TRMT6: variants seen among roughly 807,000 people sequenced by gnomAD.
TRMT6 encodes tRNA (adenine(58)-N(1))-methyltransferase non-catalytic subunit TRM6.
Under a neutral mutation model 59.0 loss-of-function variants are expected in TRMT6, and 34 were observed. The ratio of observed to expected loss-of-function variants is 0.58; its 90% CI spans 0.44 to 0.77. The LOEUF (loss-of-function observed/expected upper bound fraction) is 0.77. Ranked by LOEUF, TRMT6 falls within the 30% of genes least tolerant of loss-of-function variation. The pLI is 0.00. For missense variants in TRMT6, 575 were observed against 604.5 expected (o/e 0.95, Z 0.51); for synonymous variants, 217 against 210.5 (o/e 1.03, Z -0.27).
intron 1 of TRMT6, among the ~76,000 whole-genome samples, 194 bp downstream of exon 1, chr20:5,950,084 G>T (rs1600229276): frequency 6.6e-6 from 1 of 152,144 alleles, no homozygotes; most frequent in South Asian, 2.1e-4. Context: ...GGGAGATTAT[G>T]AGGTTCGAAG....
chr20:5,940,778 C>A (rs996030282), intron 10 of TRMT6, among the ~76,000 whole-genome samples: 1 of 152,040 alleles, frequency 6.6e-6, no homozygotes, highest in South Asian at 2.1e-4. Context: ...CCACCATGCT[C>A]GACTGATTTT....
At position 5,942,684 on chromosome 20, in the gene TRMT6, A is replaced by T; in HGVS notation, c.770T>A (p.Phe257Tyr). ...PKSFLSGLYE[F>Y]PLNKVDSLLH... ...AAGACTGTCCACTTTGTTGAGAGGG[A>T]ATTCATAAAGACCACTGAGAAAAGA... The change falls in exon 7 of 11, where the codon TTC (phenylalanine) becomes TAC (tyrosine). Residue 257 changes from phenylalanine (F) to tyrosine (Y), a missense_variant. Transcript: ENST00000203001. 1 of 1,614,116 alleles carries T rather than the reference A, an allele frequency of 6.2e-7. No homozygotes were observed. The highest frequency in any genetic ancestry group is 8.5e-7 in the Non-Finnish European group (1 of 1,180,008).
intron 6 of TRMT6, 105 bp from the exon 7 acceptor site, chr20:5,942,891 T>C (rs1240408791): frequency 2.3e-6 from 2 of 867,278 alleles, no homozygotes. Flanking sequence ...TTTCTATTAG[T>C]ACTTTATTCA....
At chr20:5,938,822 T>C in intron 10 of TRMT6, 96 bp from the exon 11 acceptor site, 1 of 1,102,608 alleles carries the variant, frequency 9.1e-7, no homozygotes, top group Non-Finnish European at 1.3e-6. Context: ...ACAACACAGG[T>C]TCTCTTGATG....
chr20:5,940,772 C>T (rs764402095), intron 10 of TRMT6, among the ~76,000 whole-genome samples: 1 of 152,172 alleles, frequency 6.6e-6, no homozygotes. Context: ...CACCTGCCAC[C>T]ATGCTCGACT....
chr20:5,941,014 G>A (rs763918896), intron 10 of TRMT6, 39 bp downstream of exon 10: 20 of 1,498,512 alleles, frequency 1.3e-5, no homozygotes, highest in East Asian at 2.3e-5. Context: ...GTCAAGTCTC[G>A]GGAGGGCAGC....
intron 2 of TRMT6, among the ~76,000 whole-genome samples, chr20:5,946,082 C>A (rs2088703352): frequency 6.6e-6 from 1 of 152,202 alleles, no homozygotes. Context: ...ACACCATATG[C>A]TAACCACCTC....
rs1013821242 is a variant in TRMT6 at position 5,950,444 on chromosome 20, C to G, written c.-39G>C. On this transcript the variant is annotated 5_prime_UTR_variant, in exon 1 of 11. Transcript: ENST00000203001. ...TCGCCGTGCTCCACGGCGTCCCGCC[C>G]CTCCTCCTCGGTTGTCGCCACCGCC... 2.1e-5 allele frequency: 33 copies of G among 1,549,028 alleles called. No homozygotes were observed. The highest frequency in any genetic ancestry group is 2.9e-5 in the Non-Finnish European group (33 of 1,149,368).
chr20:5,946,600 TAC>T lies in TRMT6; in HGVS notation c.129-69_129-68del. ...TCCAGTACAGAAAAGACATGTTCAC[TAC>T]AGTTTATTTCAAAAGTGGTCTCCAC... On this transcript the variant is annotated intron_variant, in intron 1 of 10. Transcript: ENST00000203001. 6 of 1,492,686 alleles carry T rather than the reference TAC, an allele frequency of 4.0e-6. No individual in the cohort carries two copies. In the South Asian group the frequency reaches 7.1e-5, roughly 18 times the overall value. 92.5% of individuals were successfully genotyped at this position (1,492,686 alleles called of 1,614,324 possible).
intron 8 of TRMT6, 38 bp from the exon 9 acceptor site, chr20:5,941,383 C>T (rs371613350): frequency 6.8e-7 from 1 of 1,469,412 alleles, no homozygotes; most frequent in Non-Finnish European, 9.5e-7. Context: ...TTCTCTACAC[C>T]CTCAAAGTGG....
chr20:5,940,695 T>G (rs1451513468), intron 10 of TRMT6, among the ~76,000 whole-genome samples: 2 of 152,058 alleles, frequency 1.3e-5, no homozygotes, highest in Non-Finnish European at 2.9e-5. Flanking sequence ...CTCGGCTCAC[T>G]GCAGCCTCGA....
chr20:5,950,177 A>G, intron 1 of TRMT6, 101 bp downstream of exon 1: 1 of 1,328,536 alleles, frequency 7.5e-7, no homozygotes, highest in South Asian at 1.4e-5. Flanking sequence ...GAGAGAGCCA[A>G]GAATGGCACC....
At chr20:5,940,731 A>G (rs912826867) in intron 10 of TRMT6, among the ~76,000 whole-genome samples, 9 of 152,006 alleles carry the variant, frequency 5.9e-5, no homozygotes, top group Non-Finnish European at 1.3e-4. Context: ...CAATCTTTCC[A>G]CCTCAGCTCC....
Position 5,938,614 on chromosome 20 carries a change from G to C in TRMT6, c.1415C>G (p.Ser472Cys), listed in dbSNP as rs749406665. The C allele has an allele frequency of 1.2e-6, 2 of 1,614,234 alleles. No individual in the cohort carries two copies. The highest frequency in any genetic ancestry group is 2.2e-5 in the South Asian group (2 of 91,078). ...GTGTGATTCTAAAGTGCTTGCATTA[G>C]ATTTGAGGCTGGTGTCTGCTTTAAG... ...DNLKADTSLK[S>C]NASTLESHET... is the part of the protein sequence containing the mutation. Residue 472 changes from serine to cysteine, a missense_variant, in exon 11 of 11, where the codon TCT (serine) becomes TGT (cysteine). By Grantham distance (112) the Ser-to-Cys change is moderately radical. Coordinates refer to ENST00000203001, the MANE Select transcript of TRMT6 (RefSeq NM_015939.5).
chr20:5,941,910 A>AC (rs1026204074), intron 8 of TRMT6, 41 bp downstream of exon 8: 2 of 1,502,354 alleles, frequency 1.3e-6, no homozygotes, highest in African/African-American at 2.7e-5. Context: ...AGCAGAGCCC[A>AC]CATGCACTGA....
Position 5,943,941 on chromosome 20 carries a change from A to T in TRMT6, c.542+7T>A. The T allele has an allele frequency of 6.2e-7, 1 of 1,601,862 alleles. No individual in the cohort carries two copies. The highest frequency in any genetic ancestry group is 8.5e-7 in the Non-Finnish European group (1 of 1,176,674). The stretch of plus-strand genomic sequence containing the variant: ...CAATTATACTTTTGAAAGGAAACAA[A>T]GCGTACTTAATTTTTCCAGGTTCTC... On this transcript the variant is annotated splice_region_variant and intron_variant, in intron 5 of 10. Transcript: ENST00000203001.
intron 10 of TRMT6, among the ~76,000 whole-genome samples, chr20:5,940,302 T>C (rs1234986769): frequency 6.6e-6 from 1 of 152,214 alleles, no homozygotes; most frequent in African/African-American, 2.4e-5. Context: ...CCAGAAGACC[T>C]GAACTGACAC....
Position 5,950,528 on chromosome 20 carries a change from T to C in TRMT6, c.-123A>G. 8.7e-7 allele frequency: 1 copy of C among 1,143,788 alleles called. No individual in the cohort carries two copies. The highest frequency in any genetic ancestry group is 1.2e-6 in the Non-Finnish European group (1 of 851,820). 70.9% of individuals were successfully genotyped at this position (1,143,788 alleles called of 1,614,324 possible). ...CCCTCCGACCGGCACCGCCCCCACG[T>C]GTTGCACGCCGCTTCCGCTTTCCGG... On this transcript the variant is annotated 5_prime_UTR_variant, in exon 1 of 11. Transcript: ENST00000203001.
chr20:5,946,428 C>G lies in TRMT6; in HGVS notation c.234G>C (p.Lys78Asn), dbSNP rs2088707212. 1 of 1,614,082 alleles carries G rather than the reference C, an allele frequency of 6.2e-7. No individual in the cohort carries two copies. The highest frequency in any genetic ancestry group is 1.1e-5 in the South Asian group (1 of 91,088). ...VTSGGSLQPK[K>N]KREEPTAETK... Reference sequence around the variant, plus strand: ...CACCTGCAGTAGGCTCTTCCCTCTTCTTCTTGGGCTGTAGACTTCCTCCAC... The same window carrying G: ...CACCTGCAGTAGGCTCTTCCCTCTTGTTCTTGGGCTGTAGACTTCCTCCAC... Residue 78 changes from lysine to asparagine, a missense_variant, in exon 2 of 11, where the codon AAG (lysine) becomes AAC (asparagine). Coordinates refer to ENST00000203001, the MANE Select transcript of TRMT6 (RefSeq NM_015939.5).
Sources: allele counts gnomAD v4.1 joint callset (sites outside exome capture counted in the v4.1 genomes callset), GRCh38; gene constraint gnomAD v4.1.1; transcripts MANE v1.5; gene names NCBI Gene and HGNC (gene_info 2026-07-23, HGNC 2026-07-21).